IFNAR2: variants seen among roughly 807,000 people sequenced by gnomAD.
IFNAR2 encodes interferon alpha/beta receptor 2.
Under a neutral mutation model 49.4 loss-of-function variants are expected in IFNAR2, and 30 were observed. That is an observed-to-expected ratio of 0.61 (90% confidence interval 0.45 to 0.82). IFNAR2 has a LOEUF of 0.82. Among genes scored for constraint, IFNAR2 ranks in the 40% least tolerant of loss-of-function variants. The pLI is 0.00. For synonymous variants in IFNAR2, 224 were observed against 234.5 expected (o/e 0.96, Z 0.41); for missense variants, 600 against 622.7 (o/e 0.96, Z 0.39).
intron 1 of IFNAR2, among the ~76,000 whole-genome samples, chr21:33,237,155 C>G (rs535972603): frequency 3.7e-4 from 56 of 150,246 alleles, no homozygotes; most frequent in African/African-American, 1.3e-3. Flanking sequence ...AGATATATAA[C>G]AAAGATGAAG....
rs769199239 is a variant in IFNAR2 at position 33,260,764 on chromosome 21, C to A, written c.840+37C>A. On this transcript the variant is annotated intron_variant, in intron 8 of 8. Transcript: ENST00000342136. ...TTTTGTTTTGTTTTGTTTTTTCTAT[C>A]TTTGTTTTTTATTTTAACTTAAGAA... The A allele has an allele frequency of 1.4e-5, 18 of 1,332,978 alleles. No homozygotes were observed. The African/African-American group carries it at 2.3e-4, about 17-fold the overall frequency. The allele number at this position is 1,332,978 out of a possible 1,614,324, so 82.6% of individuals were successfully genotyped here.
At chr21:33,245,582 G>C (rs542953968) in intron 4 of IFNAR2, among the ~76,000 whole-genome samples, 1 of 152,356 alleles carries the variant, frequency 6.6e-6, no homozygotes, top group African/African-American at 2.4e-5. Flanking sequence ...ACTTGGCACG[G>C]ACCTCAGCCC....
At chr21:33,260,130 A>G (rs1037560289) in intron 7 of IFNAR2, among the ~76,000 whole-genome samples, 3 of 152,220 alleles carry the variant, frequency 2.0e-5, no homozygotes, top group African/African-American at 7.2e-5. Flanking sequence ...CAGAGCCCTG[A>G]CTTGTGGCCC....
At position 33,230,771 on chromosome 21, in the gene IFNAR2, G is replaced by C. The variant is rs1985998519; in HGVS notation, c.-84+555G>C. ...CGGATCCGCTGCGTGGAGGCAGGAG[G>C]GGGAAGGGGCGAGGGGACGTGGCCG... On this transcript the variant is annotated intron_variant, in intron 1 of 8. Coordinates refer to ENST00000342136, the MANE Select transcript of IFNAR2 (RefSeq NM_001289125.3). The surrounding 1 kb of genome is among the most constrained non-coding windows in gnomAD (Gnocchi z 5.5). Among the ~76,000 whole-genome samples the C allele has an allele frequency of 6.6e-6, 1 of 152,172 alleles. No individual in the cohort carries two copies. The highest frequency in any genetic ancestry group is 1.5e-5 in the Non-Finnish European group (1 of 68,034).
intron 6 of IFNAR2, among the ~76,000 whole-genome samples, chr21:33,250,499 A>C (rs1436330273): frequency 1.3e-5 from 2 of 152,146 alleles, no homozygotes; most frequent in Non-Finnish European, 2.9e-5. Flanking sequence ...AGGGGTAATG[A>C]GTAGTGAGAG....
At chr21:33,235,062 G>A (rs1293789752) in intron 1 of IFNAR2, among the ~76,000 whole-genome samples, 1 of 152,146 alleles carries the variant, frequency 6.6e-6, no homozygotes, top group East Asian at 1.9e-4. Flanking sequence ...TGTTGCCATG[G>A]CATTTGTAAA....
In IFNAR2 at chr21:33,265,574, A is replaced by AGT. The variant is rs932778492; in HGVS notation, c.*2087_*2088dup. ...TTTTGCGATAACCTCTATGGCTGTG[A>AGT]GTGTGTGTGTGTGTTTGTGTATTTT... On this transcript the variant is annotated 3_prime_UTR_variant, in exon 9 of 9. Coordinates refer to ENST00000342136, the MANE Select transcript of IFNAR2 (RefSeq NM_001289125.3). 20 of 179,516 alleles carry AGT rather than the reference A, an allele frequency of 1.1e-4. No individual in the cohort carries two copies. The highest frequency in any genetic ancestry group is 9.2e-4 in the South Asian group (11 of 11,894). 11.1% of individuals were successfully genotyped at this position (179,516 alleles called of 1,614,324 possible). A position where few individuals can be genotyped will look rare whatever the true frequency, so the allele number is the denominator to read the frequency against.
intron 1 of IFNAR2, among the ~76,000 whole-genome samples, chr21:33,233,266 G>A (rs1480151614): frequency 1.3e-5 from 2 of 152,078 alleles, no homozygotes; most frequent in Non-Finnish European, 2.9e-5. Context: ...ACTGAAAAGG[G>A]ACAAAGATTA....
At chr21:33,251,721 A>T (rs1260454737) in intron 6 of IFNAR2, 1 of 985,112 alleles carries the variant, frequency 1.0e-6, no homozygotes, top group African/African-American at 1.7e-5. Flanking sequence ...TTATTCATGA[A>T]AGAGCCTTCA....
rs1306403047 is a variant in IFNAR2, at chr21:33,263,658, T to A, written c.*158T>A. 9.4e-6 allele frequency: 6 copies of A among 641,434 alleles called. No individual in the cohort carries two copies. In the Admixed American group the frequency reaches 1.5e-4, roughly 16 times the overall value. The allele number at this position is 641,434 out of a possible 1,614,324, so 39.7% of individuals were successfully genotyped here. A position where few individuals can be genotyped will look rare whatever the true frequency, so the allele number is the denominator to read the frequency against. ...TCCAGGTGACATCACCTATGCACAT[T>A]CCCAGTATGGGGACCATAGTATCAT... On this transcript the variant is annotated 3_prime_UTR_variant, in exon 9 of 9. Coordinates refer to ENST00000342136, the MANE Select transcript of IFNAR2 (RefSeq NM_001289125.3).
Position 33,230,393 on chromosome 21 carries a change from CCT to C in IFNAR2, c.-84+183_-84+184del. 1 of 533,444 alleles carries C rather than the reference CCT, an allele frequency of 1.9e-6. No homozygotes were observed. The highest frequency in any genetic ancestry group is 3.0e-6 in the Non-Finnish European group (1 of 329,380). 33.0% of individuals were successfully genotyped at this position (533,444 alleles called of 1,614,324 possible). On this transcript the variant is annotated intron_variant, in intron 1 of 8. Coordinates refer to ENST00000342136, the MANE Select transcript of IFNAR2 (RefSeq NM_001289125.3). This position sits in a 1 kb window ranked among gnomAD's most constrained non-coding sequence, Gnocchi z 5.5. Reference sequence around the variant, plus strand: ...TTGAGTATGCGGCTAGTGCGCCCTTCCTCTCTCCCGGGGCCGCACCTGCGACC... The same window carrying C: ...TTGAGTATGCGGCTAGTGCGCCCTTCCTCTCCCGGGGCCGCACCTGCGACC...
At chr21:33,257,009 G>A (rs1388555572) in intron 7 of IFNAR2, among the ~76,000 whole-genome samples, 2 of 152,174 alleles carry the variant, frequency 1.3e-5, no homozygotes, top group East Asian at 3.9e-4. Context: ...TGATTTATTG[G>A]TGGGGGCATC....
intron 7 of IFNAR2, 112 bp from the exon 8 acceptor site, chr21:33,260,485 A>G (rs1988488677): frequency 9.6e-7 from 1 of 1,037,086 alleles, no homozygotes; most frequent in African/African-American, 1.7e-5. Flanking sequence ...CTGTTTTTTC[A>G]AACCTTTGGT....
rs1985924499 is a variant in IFNAR2 at position 33,230,124 on chromosome 21, G to T, written c.-176G>T. On this transcript the variant is annotated 5_prime_UTR_variant, in exon 1 of 9. Coordinates refer to ENST00000342136, the MANE Select transcript of IFNAR2 (RefSeq NM_001289125.3). This position sits in a 1 kb window ranked among gnomAD's most constrained non-coding sequence, Gnocchi z 5.5. ...CTGTCCGAGAGGCCGCCCGCGAGGC[G>T]CATCCTGACCGCGAGCGTCGGGTCC... 2 of 991,648 alleles carry T rather than the reference G, an allele frequency of 2.0e-6. No individual in the cohort carries two copies. Among genetic ancestry groups the T allele is most frequent in the South Asian group, 4.2e-5 (1 of 23,644 alleles). The allele number at this position is 991,648 out of a possible 1,614,324, so 61.4% of individuals were successfully genotyped here. A position where few individuals can be genotyped will look rare whatever the true frequency, so the allele number is the denominator to read the frequency against.
chr21:33,247,049 G>T (rs918028140), intron 5 of IFNAR2, among the ~76,000 whole-genome samples, 159 bp downstream of exon 5: 1 of 152,116 alleles, frequency 6.6e-6, no homozygotes, highest in Non-Finnish European at 1.5e-5. Context: ...GGACTGCTTT[G>T]CTTCTCTGAG....
chr21:33,237,638 C>T (rs200015683), intron 1 of IFNAR2, among the ~76,000 whole-genome samples: 1 of 152,170 alleles, frequency 6.6e-6, no homozygotes, highest in Non-Finnish European at 1.5e-5. Flanking sequence ...TGGGAGATGA[C>T]ATCACACATC....
intron 5 of IFNAR2, among the ~76,000 whole-genome samples, chr21:33,247,677 G>A (rs1012170669): frequency 6.6e-6 from 1 of 152,136 alleles, no homozygotes; most frequent in African/African-American, 2.4e-5. Context: ...CCAAGAACAG[G>A]CCTACCCCTT....
At chr21:33,256,580 G>A (rs1376936706) in intron 7 of IFNAR2, among the ~76,000 whole-genome samples, 1 of 152,152 alleles carries the variant, frequency 6.6e-6, no homozygotes, top group Non-Finnish European at 1.5e-5. Flanking sequence ...GATATGGGGG[G>A]ATTTTAGCCC....
chr21:33,254,106 C>T (rs1173009554), intron 7 of IFNAR2, among the ~76,000 whole-genome samples: 1 of 152,200 alleles, frequency 6.6e-6, no homozygotes, highest in Non-Finnish European at 1.5e-5. Flanking sequence ...AAAGAAATTA[C>T]TTTAGTTGTA....
Sources: allele counts gnomAD v4.1 joint callset (sites outside exome capture counted in the v4.1 genomes callset), GRCh38; gene constraint gnomAD v4.1.1; non-coding constraint Gnocchi (gnomAD v3.1); transcripts MANE v1.5; gene names NCBI Gene and HGNC (gene_info 2026-07-23, HGNC 2026-07-21).